The following ASB17 variants were observed in gnomAD, a reference collection of about 807,000 sequenced individuals.
ASB17 encodes ankyrin repeat and SOCS box containing 17.
A neutral mutation model predicts 25.7 loss-of-function variants in ASB17; 26 were observed. The ratio of observed to expected loss-of-function variants is 1.01; its 90% CI spans 0.74 to 1.40. The LOEUF is 1.40. Among genes scored for constraint, ASB17 ranks in the 40% most tolerant of loss-of-function variants. The pLI is 0.00. For synonymous variants in ASB17, 128 were observed against 121.4 expected, an observed-to-expected ratio of 1.05 and a Z score of -0.36; for missense variants, 326 against 338.5, an observed-to-expected ratio of 0.96 and a Z score of 0.29.
chr1:75,926,488 C>T (rs893092217), intron 1 of ASB17, among the ~76,000 whole-genome samples: 3 of 152,158 alleles, frequency 2.0e-5, no homozygotes, highest in East Asian at 1.9e-4. Flanking sequence ...GGAAGAATAA[C>T]GGAACCAGCG....
intron 1 of ASB17, among the ~76,000 whole-genome samples, chr1:75,926,026 C>G (rs1653164490): frequency 6.6e-6 from 1 of 152,144 alleles, no homozygotes; most frequent in Non-Finnish European, 1.5e-5. Flanking sequence ...GGCCTTTAGA[C>G]CAATTTTATT....
At chr1:75,928,164 C>G (rs1489753167) in intron 1 of ASB17, among the ~76,000 whole-genome samples, 1 of 152,194 alleles carries the variant, frequency 6.6e-6, no homozygotes, top group Non-Finnish European at 1.5e-5. Context: ...CAATTTCCTT[C>G]TCTGCTCTCT....
In ASB17 at chr1:75,929,563, C is replaced by G. The variant is rs1653268643; in HGVS notation, c.401+2328G>C. Among the ~76,000 whole-genome samples the G allele has an allele frequency of 2.0e-5, 3 of 152,022 alleles. No homozygotes were observed. The South Asian group carries it at 6.2e-4, about 32-fold the overall frequency. On this transcript the variant is annotated intron_variant, in intron 1 of 2. Coordinates refer to ENST00000284142, the MANE Select transcript of ASB17 (RefSeq NM_080868.3). ...AAGGGGTATTGTTTGAATGTTATACCCCTTGTATAAAATCACTGTAGTGGA... is the reference window on the plus strand; with the variant it reads ...AAGGGGTATTGTTTGAATGTTATACGCCTTGTATAAAATCACTGTAGTGGA...
chr1:75,926,799 C>T (rs901178919), intron 1 of ASB17, among the ~76,000 whole-genome samples: 1 of 152,110 alleles, frequency 6.6e-6, no homozygotes, highest in African/African-American at 2.4e-5. Context: ...TATCTAGCCA[C>T]GTATTGCACA....
At chr1:75,931,342 G>C (rs1653316764) in intron 1 of ASB17, among the ~76,000 whole-genome samples, 1 of 152,108 alleles carries the variant, frequency 6.6e-6, no homozygotes, top group Admixed American at 6.5e-5. Context: ...GTATGCATTA[G>C]GTAGATTGAC....
intron 1 of ASB17, among the ~76,000 whole-genome samples, chr1:75,925,120 A>C: frequency 6.6e-6 from 1 of 152,040 alleles, no homozygotes; most frequent in East Asian, 1.9e-4. Flanking sequence ...CATATTACGC[A>C]CTCAAATATT....
At chr1:75,924,277 GA>G (rs1373164928) in intron 1 of ASB17, among the ~76,000 whole-genome samples, 2 of 151,970 alleles carry the variant, frequency 1.3e-5, no homozygotes, top group South Asian at 4.1e-4. Context: ...ACAAAACTAA[GA>G]AAAAAGAGTT....
intron 1 of ASB17, among the ~76,000 whole-genome samples, chr1:75,927,451 C>A (rs193291363): frequency 9.7e-4 from 147 of 152,294 alleles, no homozygotes; most frequent in Non-Finnish European, 1.7e-3. Context: ...TCTCTCCTTT[C>A]TCCCACTGCT....
At chr1:75,922,488 C>A (rs879141834) in intron 1 of ASB17, 129 bp from the exon 2 acceptor site, 25 of 118,456 alleles carry the variant, frequency 2.1e-4, no homozygotes, top group Non-Finnish European at 2.7e-4. Context: ...TTATATGTTT[C>A]TTTTTTTTTT....
At chr1:75,920,805 C>T (rs1426020177) in intron 2 of ASB17, among the ~76,000 whole-genome samples, 8 of 149,708 alleles carry the variant, frequency 5.3e-5, no homozygotes, top group African/African-American at 1.8e-4. Context: ...GACGGAGTCC[C>T]GCTCTTTCGC....
At position 75,922,302 on chromosome 1, in the gene ASB17, A is replaced by C; in HGVS notation, c.459T>G (p.Tyr153Ter). The C allele has an allele frequency of 6.2e-7, 1 of 1,613,622 alleles. No homozygotes were observed. The highest frequency in any genetic ancestry group is 8.5e-7 in the Non-Finnish European group (1 of 1,179,824). The change falls in exon 2 of 3, where the codon TAT becomes TAG. Residue 153 changes from tyrosine (Y) to a stop codon, truncating the protein, a stop_gained. Coordinates refer to ENST00000284142, the MANE Select transcript of ASB17 (RefSeq NM_080868.3). LOFTEE classifies it high-confidence loss of function. ...TATTAGACTGTCTTGTCTGAGCTAC[A>C]TAAAAGAGAGGTGTGATGCCACTTA... ...SPLSGITPLF[Y>*]VAQTRQSNIF...
chr1:75,924,257 G>A (rs1463960358), intron 1 of ASB17, among the ~76,000 whole-genome samples: 1 of 152,022 alleles, frequency 6.6e-6, no homozygotes, highest in East Asian at 1.9e-4. Flanking sequence ...AACTATTTTT[G>A]AAGAATCTGA....
At chr1:75,920,924 G>A (rs926588463) in intron 2 of ASB17, among the ~76,000 whole-genome samples, 43 of 152,164 alleles carry the variant, frequency 2.8e-4, no homozygotes, top group Admixed American at 1.3e-3. Context: ...ACAGGCGCCC[G>A]CCACCATGCC....
At chr1:75,919,873 A>G (rs931448623) in intron 2 of ASB17, among the ~76,000 whole-genome samples, 19 of 152,338 alleles carry the variant, frequency 1.2e-4, no homozygotes, top group Non-Finnish European at 2.6e-4. Context: ...TTATAGCAGC[A>G]TGATTTATAG....
At chr1:75,922,492 T>TA in intron 1 of ASB17, 133 bp from the exon 2 acceptor site, 5 of 326,002 alleles carry the variant, frequency 1.5e-5, no homozygotes, top group Non-Finnish European at 1.9e-5. Context: ...ATGTTTCTTT[T>TA]TTTTTTTTTT....
intron 1 of ASB17, among the ~76,000 whole-genome samples, chr1:75,926,752 C>T (rs10732723): frequency 0.73 from 111,559 of 152,146 alleles, 41,353 homozygotes; most frequent in East Asian, 0.98. Flanking sequence ...CCAATATAGA[C>T]GTGAGATGTA....
At chr1:75,929,243 G>A (rs1653257730) in intron 1 of ASB17, among the ~76,000 whole-genome samples, 4 of 150,012 alleles carry the variant, frequency 2.7e-5, no homozygotes, top group Admixed American at 2.7e-4. Context: ...TTATTTTTTT[G>A]AGACGGATTC....
intron 1 of ASB17, among the ~76,000 whole-genome samples, chr1:75,926,736 C>G (rs1653183460): frequency 6.6e-6 from 1 of 152,164 alleles, no homozygotes. Context: ...GTAGAACCAA[C>G]AGATCCCAAT....
intron 1 of ASB17, among the ~76,000 whole-genome samples, chr1:75,923,118 G>A (rs1653074829): frequency 6.6e-6 from 1 of 152,084 alleles, no homozygotes; most frequent in South Asian, 2.1e-4. Context: ...TCTTGATCAT[G>A]TACCAGACAT....
Sources: gnomAD v4.1 joint callset for allele counts (sites outside exome capture counted in the v4.1 genomes callset) on GRCh38, gnomAD v4.1.1 for gene constraint, MANE v1.5 for transcripts, NCBI Gene and HGNC (gene_info 2026-07-23, HGNC 2026-07-21) for gene names.